Variants in MAST4 observed in about 807,000 individuals in gnomAD.
The protein encoded by MAST4 is microtubule associated serine/threonine kinase family member 4, also known as microtubule-associated serine/threonine-protein kinase 4.
In MAST4, 89 loss-of-function variants were observed where a neutral mutation model predicts 162.7. That is an observed-to-expected ratio of 0.55 (90% CI 0.46 to 0.65). The LOEUF is 0.65. MAST4 is among the 30% of genes least tolerant of loss of function. The pLI, the probability that MAST4 is intolerant of heterozygous loss-of-function variation, is 0.00. For synonymous variants in MAST4, 1,479 were observed against 1,361.1 expected (o/e 1.09, Z -1.91); for missense variants, 3,153 against 3,374.0 (o/e 0.93, Z 1.62).
intron 3 of MAST4, among the ~76,000 whole-genome samples, chr5:66,893,449 A>G (rs1762489919): frequency 6.6e-6 from 1 of 151,464 alleles, no homozygotes; most frequent in Non-Finnish European, 1.5e-5. Flanking sequence ...GCTGGTCTCG[A>G]ACTCCTGACC....
At chr5:67,060,908 T>G (rs939572357) in intron 5 of MAST4, among the ~76,000 whole-genome samples, 3 of 152,216 alleles carry the variant, frequency 2.0e-5, no homozygotes, top group African/African-American at 7.2e-5. Context: ...ACTTACTTGT[T>G]TACTAATAGG....
chr5:66,600,027 C>A (rs1412972192), intron 1 of MAST4, among the ~76,000 whole-genome samples: 1 of 152,008 alleles, frequency 6.6e-6, no homozygotes, highest in Non-Finnish European at 1.5e-5. Flanking sequence ...CTTTGGCAAC[C>A]TTGTTAAAAC....
chr5:66,745,147 A>G (rs912567168), intron 1 of MAST4, among the ~76,000 whole-genome samples: 1 of 152,106 alleles, frequency 6.6e-6, no homozygotes, highest in East Asian at 1.9e-4. Context: ...GTTCACCTTA[A>G]ATTTATACGG....
chr5:66,692,821 A>G lies in MAST4; in HGVS notation c.364-66888A>G, dbSNP rs957514236. ...AAGGGAGTATATACATACTCAAAGT[A>G]TATATATACTTCAAGGTATTCCAGT... On this transcript the variant is annotated intron_variant, in intron 1 of 28. Coordinates refer to ENST00000403625, the MANE Select transcript of MAST4 (RefSeq NM_001164664.2). Among the ~76,000 whole-genome samples the G allele has an allele frequency of 2.0e-5, 3 of 152,194 alleles. No individual in the cohort carries two copies. In the East Asian group the frequency reaches 5.8e-4, roughly 29 times the overall value.
chr5:67,094,176 C>G (rs778281518), intron 6 of MAST4: 29 of 1,489,472 alleles, frequency 1.9e-5, no homozygotes, highest in Non-Finnish European at 2.6e-5. Flanking sequence ...GTAAATTTTA[C>G]TAAAATCTTA....
intron 3 of MAST4, among the ~76,000 whole-genome samples, chr5:66,888,593 CTT>C (rs1331114939): frequency 6.6e-6 from 1 of 152,144 alleles, no homozygotes; most frequent in Admixed American, 6.5e-5. Flanking sequence ...TAATAGAACA[CTT>C]GAATTATTAT....
At chr5:66,972,282 C>T (rs1437609533) in intron 4 of MAST4, among the ~76,000 whole-genome samples, 2 of 152,122 alleles carry the variant, frequency 1.3e-5, no homozygotes, top group African/African-American at 2.4e-5. Flanking sequence ...GTGAAAAAGA[C>T]GTGAGCTAAA....
At chr5:66,948,756 A>C (rs927840588) in intron 4 of MAST4, among the ~76,000 whole-genome samples, 6 of 152,180 alleles carry the variant, frequency 3.9e-5, no homozygotes, top group African/African-American at 1.4e-4. Flanking sequence ...ATAGTCTCCC[A>C]GTTGAATTTA....
At chr5:66,609,949 C>T (rs10073680) in intron 1 of MAST4, among the ~76,000 whole-genome samples, 7,811 of 152,020 alleles carry the variant, frequency 0.051, 665 homozygotes, top group African/African-American at 0.18. Flanking sequence ...ATTAGGTGAC[C>T]TAAGCAACAT....
intron 4 of MAST4, among the ~76,000 whole-genome samples, chr5:67,052,106 T>C (rs1388687564): frequency 6.6e-6 from 1 of 152,192 alleles, no homozygotes; most frequent in Non-Finnish European, 1.5e-5. Flanking sequence ...ACCTTAAATA[T>C]GGTAAACTGT....
At chr5:66,732,504 C>T (rs1002174339) in intron 1 of MAST4, among the ~76,000 whole-genome samples, 2 of 152,198 alleles carry the variant, frequency 1.3e-5, no homozygotes, top group African/African-American at 4.8e-5. Context: ...TTGGACACAC[C>T]TCTCTCCTAG....
chr5:66,620,700 A>T (rs1427004346), intron 1 of MAST4, among the ~76,000 whole-genome samples: 1 of 152,108 alleles, frequency 6.6e-6, no homozygotes, highest in African/African-American at 2.4e-5. Flanking sequence ...TTGTTTTTAC[A>T]TCTTTTTTTC....
At chr5:67,099,629 T>C (rs752204153) in intron 7 of MAST4, among the ~76,000 whole-genome samples, 47 of 152,220 alleles carry the variant, frequency 3.1e-4, no homozygotes, top group Non-Finnish European at 6.0e-4. Context: ...TTAAGGAGTT[T>C]ACCTCTGACT....
At chr5:66,817,865 T>C (rs27509) in intron 3 of MAST4, among the ~76,000 whole-genome samples, 122,922 of 152,098 alleles carry the variant, frequency 0.81, 49,813 homozygotes, top group Non-Finnish European at 0.84. Flanking sequence ...AGATAGATTG[T>C]CTTGATTTTT....
intron 1 of MAST4, among the ~76,000 whole-genome samples, chr5:66,747,577 A>G (rs564224201): frequency 2.6e-5 from 4 of 152,234 alleles, no homozygotes; most frequent in South Asian, 2.1e-4. Context: ...GGCATGAACA[A>G]TTTTTGCTGA....
At chr5:66,919,949 CTTCCTTCCTTCCTTCCTTCCTTCCTTCT>C (rs1452763414) in intron 4 of MAST4, among the ~76,000 whole-genome samples, 1 of 78,322 alleles carries the variant, frequency 1.3e-5, no homozygotes, top group Non-Finnish European at 3.0e-5. Context: ...TCCTTCCTTC[CTTCCTTCCTTCCTTCCTTCCTTCCTTCT>C]TTCTCTCTCT....
chr5:66,750,611 G>C (rs6883489), intron 1 of MAST4, among the ~76,000 whole-genome samples: 2,402 of 152,312 alleles, frequency 0.016, 70 homozygotes, highest in African/African-American at 0.055. Flanking sequence ...GGCGCACCAG[G>C]AGATTATATC....
At chr5:66,602,625 C>T (rs1178903734) in intron 1 of MAST4, among the ~76,000 whole-genome samples, 1 of 151,950 alleles carries the variant, frequency 6.6e-6, no homozygotes, top group Non-Finnish European at 1.5e-5. Flanking sequence ...GGGTCCATGA[C>T]CTGGTGGCTT....
chr5:67,125,146 C>T (rs1325306290), intron 14 of MAST4, among the ~76,000 whole-genome samples: 1 of 151,988 alleles, frequency 6.6e-6, no homozygotes, highest in African/African-American at 2.4e-5. Flanking sequence ...CTATAATAGG[C>T]AAGCTATAAA....
Sources: gnomAD v4.1 joint callset for allele counts (sites outside exome capture counted in the v4.1 genomes callset) on GRCh38, gnomAD v4.1.1 for gene constraint, MANE v1.5 for transcripts, NCBI Gene and HGNC (gene_info 2026-07-23, HGNC 2026-07-21) for gene names.